Variants in NKAIN2 observed in about 807,000 individuals in gnomAD.
NKAIN2 encodes sodium/potassium transporting ATPase interacting 2, also known as sodium/potassium-transporting ATPase subunit beta-1-interacting protein 2.
In NKAIN2, 14 loss-of-function variants were observed where a neutral mutation model predicts 32.6. That is an observed-to-expected ratio of 0.43 (90% CI 0.28 to 0.67). The LOEUF is 0.67. NKAIN2 is among the 30% of genes least tolerant of loss of function. The pLI, the probability that NKAIN2 is intolerant of heterozygous loss-of-function variation, is 0.17. For missense variants in NKAIN2, 198 were observed against 258.3 expected (o/e 0.77, Z 1.60); for synonymous variants, 80 against 87.2 (o/e 0.92, Z 0.46).
chr6:124,088,937 C>T (rs2114923527), intron 1 of NKAIN2, among the ~76,000 whole-genome samples: 1 of 152,088 alleles, frequency 6.6e-6, no homozygotes. Flanking sequence ...CTTATCTTAG[C>T]ACAATAGTGG....
intron 1 of NKAIN2, among the ~76,000 whole-genome samples, chr6:123,811,935 T>A (rs563109671): frequency 6.6e-6 from 1 of 152,166 alleles, no homozygotes; most frequent in Non-Finnish European, 1.5e-5. Flanking sequence ...AAATGAAACT[T>A]GGATTTTACA....
intron 2 of NKAIN2, among the ~76,000 whole-genome samples, chr6:124,324,722 T>TA (rs1476639095): frequency 1.3e-5 from 2 of 151,636 alleles, no homozygotes; most frequent in Admixed American, 6.6e-5. Context: ...GTTTTTTTTT[T>TA]ATCACATTGA....
chr6:124,013,089 T>G (rs528590738), intron 1 of NKAIN2, among the ~76,000 whole-genome samples: 2 of 152,350 alleles, frequency 1.3e-5, no homozygotes, highest in East Asian at 3.9e-4. Context: ...CTAACGATGA[T>G]GAACATCTTT....
intron 3 of NKAIN2, among the ~76,000 whole-genome samples, chr6:124,553,065 C>T (rs1021916900): frequency 2.0e-5 from 3 of 152,168 alleles, no homozygotes; most frequent in African/African-American, 4.8e-5. Flanking sequence ...AATGTCTATA[C>T]AATTCTTAGT....
intron 1 of NKAIN2, among the ~76,000 whole-genome samples, chr6:124,235,419 T>G (rs1053543591): frequency 2.6e-5 from 4 of 152,150 alleles, no homozygotes; most frequent in African/African-American, 9.7e-5. Flanking sequence ...ATTAATAGTT[T>G]TGTAAAGTTT....
chr6:124,560,734 CCTT>C (rs1365071810), intron 3 of NKAIN2, among the ~76,000 whole-genome samples: 1 of 152,150 alleles, frequency 6.6e-6, no homozygotes, highest in Admixed American at 6.5e-5. Flanking sequence ...AAAAAATTCA[CCTT>C]CTTAGCGAGT....
intron 1 of NKAIN2, among the ~76,000 whole-genome samples, chr6:124,028,848 T>TAC (rs1491213278): frequency 4.4e-5 from 6 of 137,104 alleles, no homozygotes; most frequent in South Asian, 2.1e-4. Flanking sequence ...TATGTATATA[T>TAC]GTGTGTGTCT....
At chr6:124,155,661 CATGAT>C (rs1787949691) in intron 1 of NKAIN2, among the ~76,000 whole-genome samples, 1 of 150,070 alleles carries the variant, frequency 6.7e-6, no homozygotes, top group African/African-American at 2.4e-5. Flanking sequence ...TTAACAATTC[CATGAT>C]ATGGAGATAA....
intron 3 of NKAIN2, among the ~76,000 whole-genome samples, chr6:124,582,569 T>C (rs1781562168): frequency 6.6e-6 from 1 of 151,984 alleles, no homozygotes; most frequent in South Asian, 2.1e-4. Context: ...CAAAGTATTC[T>C]GAAAAAAATA....
chr6:124,774,251 G>A (rs1778888925), intron 4 of NKAIN2, among the ~76,000 whole-genome samples: 1 of 152,148 alleles, frequency 6.6e-6, no homozygotes, highest in Non-Finnish European at 1.5e-5. Context: ...CAGCAGTGTA[G>A]ATGGTTAAAA....
intron 2 of NKAIN2, among the ~76,000 whole-genome samples, chr6:124,312,209 T>C (rs774804048): frequency 2.0e-5 from 3 of 152,160 alleles, no homozygotes; most frequent in Non-Finnish European, 2.9e-5. Flanking sequence ...ACAATCAGCA[T>C]TGAAGACTTC....
chr6:124,200,348 T>A (rs528548974), intron 1 of NKAIN2, among the ~76,000 whole-genome samples: 1 of 152,254 alleles, frequency 6.6e-6, no homozygotes, highest in African/African-American at 2.4e-5. Flanking sequence ...TAATCCTGTC[T>A]ATATGGGATA....
intron 1 of NKAIN2, among the ~76,000 whole-genome samples, chr6:124,022,888 AAAAC>A (rs1479448434): frequency 9.9e-5 from 15 of 152,106 alleles, no homozygotes; most frequent in Admixed American, 9.8e-4. Context: ...GTTTGCAAGA[AAAAC>A]AAACACAGTC....
At chr6:124,380,746 G>C (rs1035225549) in intron 3 of NKAIN2, among the ~76,000 whole-genome samples, 2 of 152,150 alleles carry the variant, frequency 1.3e-5, no homozygotes, top group Non-Finnish European at 2.9e-5. Context: ...ATTAAATAAG[G>C]TAACATTTGG....
chr6:124,685,000 C>A (rs1773793929), intron 4 of NKAIN2, among the ~76,000 whole-genome samples: 1 of 152,124 alleles, frequency 6.6e-6, no homozygotes, highest in Non-Finnish European at 1.5e-5. Context: ...TTGATAAAGT[C>A]TTCCCTGACT....
intron 3 of NKAIN2, among the ~76,000 whole-genome samples, chr6:124,357,290 G>A (rs1393145121): frequency 2.0e-5 from 3 of 152,038 alleles, no homozygotes; most frequent in African/African-American, 7.2e-5. Flanking sequence ...ATAGTTATCT[G>A]TACTGGGTTT....
chr6:124,538,391 T>C (rs73567521), intron 3 of NKAIN2, among the ~76,000 whole-genome samples: 2,688 of 152,232 alleles, frequency 0.018, 70 homozygotes, highest in African/African-American at 0.061. Context: ...CTAAGGTCAC[T>C]TGTTGCACGT....
intron 3 of NKAIN2, chr6:124,437,895 A>G: frequency 4.1e-6 from 1 of 243,944 alleles, no homozygotes; most frequent in South Asian, 2.5e-5. Context: ...TTTTTTTCTT[A>G]ACCCCAGGTA....
intron 1 of NKAIN2, among the ~76,000 whole-genome samples, chr6:124,060,649 A>G (rs1444048297): frequency 6.6e-6 from 1 of 152,208 alleles, no homozygotes; most frequent in Non-Finnish European, 1.5e-5. Flanking sequence ...TGCCTTGAAT[A>G]GTAGAGAATA....
Sources: gnomAD v4.1 joint callset for allele counts (sites outside exome capture counted in the v4.1 genomes callset) on GRCh38, gnomAD v4.1.1 for gene constraint, MANE v1.5 for transcripts, NCBI Gene and HGNC (gene_info 2026-07-23, HGNC 2026-07-21) for gene names.